Variants in TNFRSF1B observed in about 807,000 individuals in gnomAD.
TNFRSF1B encodes the protein tumor necrosis factor receptor superfamily member 1B.
In TNFRSF1B, 19 loss-of-function variants were observed where a neutral mutation model predicts 44.6. The ratio of observed to expected loss-of-function variants is 0.43; its 90% CI spans 0.30 to 0.62. TNFRSF1B has a LOEUF of 0.62. Among genes scored for constraint, TNFRSF1B ranks in the 20% least tolerant of loss-of-function variants. The probability of loss-of-function intolerance (pLI) is 0.16; values close to 1 mark genes in which losing one functional copy is unlikely to be tolerated. For missense variants in TNFRSF1B, 541 were observed against 619.9 expected, an observed-to-expected ratio of 0.87 and a Z score of 1.35; for synonymous variants, 252 against 261.1, an observed-to-expected ratio of 0.97 and a Z score of 0.34.
intron 9 of TNFRSF1B, among the ~76,000 whole-genome samples, chr1:12,203,747 C>G (rs543641199): frequency 1.3e-5 from 2 of 152,174 alleles, no homozygotes; most frequent in East Asian, 3.9e-4. Flanking sequence ...TAAATGGGGT[C>G]TCGCTCGTCG....
At chr1:12,176,885 A>G (rs984362868) in intron 1 of TNFRSF1B, among the ~76,000 whole-genome samples, 1 of 152,134 alleles carries the variant, frequency 6.6e-6, no homozygotes, top group African/African-American at 2.4e-5. Flanking sequence ...GGCCGTGGAT[A>G]TAGGGTGGGA....
rs1485083538 is a variant in TNFRSF1B at position 12,184,661 on chromosome 1, C to G, written c.79-4135C>G. ...CCAGGAGCCCTCGTCCATTGCGGCT[C>G]TTGAGAGCCCAAACTTGGCCACGGC... On this transcript the variant is annotated intron_variant, in intron 1 of 9. Transcript: ENST00000376259. 2.6e-5 allele frequency among the ~76,000 whole-genome samples: 4 copies of G among 152,214 alleles called. No homozygotes were observed. The South Asian group carries it at 6.2e-4, about 24-fold the overall frequency.
rs1638697272 is a variant in TNFRSF1B, at chr1:12,177,840, G to T, written c.78+10671G>T. ...AGCTGACATTTAGCGGGTGCTTCTT[G>T]GGTGCAATGCGCAAGAGACCGATGC... On this transcript the variant is annotated intron_variant, in intron 1 of 9. Coordinates refer to ENST00000376259, the MANE Select transcript of TNFRSF1B (RefSeq NM_001066.3). The surrounding 1 kb of genome is among the most constrained non-coding windows in gnomAD (Gnocchi z 4.3). Among the ~76,000 whole-genome samples the T allele has an allele frequency of 2.6e-5, 4 of 151,992 alleles. No homozygotes were observed. In the South Asian group the frequency reaches 8.3e-4, roughly 32 times the overall value.
chr1:12,170,047 G>T (rs780016928), intron 1 of TNFRSF1B, among the ~76,000 whole-genome samples: 1 of 152,204 alleles, frequency 6.6e-6, no homozygotes, highest in Non-Finnish European at 1.5e-5. Context: ...CTTCCACCAC[G>T]TCTCTGTCTC....
chr1:12,175,618 C>G (rs1638637823), intron 1 of TNFRSF1B, among the ~76,000 whole-genome samples: 1 of 152,178 alleles, frequency 6.6e-6, no homozygotes, highest in Admixed American at 6.5e-5. Context: ...CTGTCATTTC[C>G]TGAGCCTCGC....
chr1:12,206,641 G>A, intron 9 of TNFRSF1B, 99 bp from the exon 10 acceptor site: 5 of 1,346,990 alleles, frequency 3.7e-6, no homozygotes, highest in Non-Finnish European at 5.0e-6. Context: ...CTGGCCCAGT[G>A]CTCTTTCCCA....
At chr1:12,189,175 T>C (rs522205) in intron 2 of TNFRSF1B, among the ~76,000 whole-genome samples, 5,326 of 152,020 alleles carry the variant, frequency 0.035, 109 homozygotes, top group African/African-American at 0.05. Flanking sequence ...GCCCAGCCGG[T>C]GGAGGAGGGG....
intron 9 of TNFRSF1B, among the ~76,000 whole-genome samples, chr1:12,206,001 G>A (rs1001722287): frequency 6.6e-6 from 1 of 152,080 alleles, no homozygotes; most frequent in East Asian, 1.9e-4. Context: ...AGATGGGTCC[G>A]AGGCTCTGGG....
rs552190870 is a variant in TNFRSF1B, at chr1:12,192,595, C to T, written c.551+71C>T. The T allele has an allele frequency of 5.6e-6, 8 of 1,431,246 alleles. No homozygotes were observed. The East Asian group carries it at 1.8e-4, about 33-fold the overall frequency. The allele number at this position is 1,431,246 out of a possible 1,614,324, so 88.7% of individuals were successfully genotyped here. On this transcript the variant is annotated intron_variant, in intron 5 of 9. Transcript: ENST00000376259. Reference sequence around the variant, plus strand: ...TCCCTGGGTGACTGTGGGTCCAGGACACAGAGCAGCTCACCAACCACCATT... The same window carrying T: ...TCCCTGGGTGACTGTGGGTCCAGGATACAGAGCAGCTCACCAACCACCATT...
In TNFRSF1B at chr1:12,191,927, C is replaced by A. The variant is rs375867757; in HGVS notation, c.457+4C>A. 1 of 1,607,096 alleles carries A rather than the reference C, an allele frequency of 6.2e-7. No homozygotes were observed. Among genetic ancestry groups the A allele is most frequent in the South Asian group, 1.1e-5 (1 of 90,564 alleles). ...GGCTTCGGCGTGGCCAGACCAGGTACGGGGTGGGGCTCAGGTCCTTGGGGA... is the reference window on the plus strand; with the variant it reads ...GGCTTCGGCGTGGCCAGACCAGGTAAGGGGTGGGGCTCAGGTCCTTGGGGA... On this transcript the variant is annotated splice_donor_region_variant and intron_variant, in intron 4 of 9. Coordinates refer to ENST00000376259, the MANE Select transcript of TNFRSF1B (RefSeq NM_001066.3).
chr1:12,182,493 G>T (rs1638835184), intron 1 of TNFRSF1B, among the ~76,000 whole-genome samples: 1 of 152,220 alleles, frequency 6.6e-6, no homozygotes, highest in African/African-American at 2.4e-5. Flanking sequence ...CTTCCCGGGG[G>T]CAGGGATTTG....
At chr1:12,181,003 T>G (rs1638789907) in intron 1 of TNFRSF1B, among the ~76,000 whole-genome samples, 1 of 152,118 alleles carries the variant, frequency 6.6e-6, no homozygotes. Context: ...TGCACTCTTC[T>G]CCTTTGCCCC....
chr1:12,194,266 C>T (rs1639216544), intron 7 of TNFRSF1B, among the ~76,000 whole-genome samples: 1 of 152,120 alleles, frequency 6.6e-6, no homozygotes, highest in African/African-American at 2.4e-5. Context: ...GATTCCTATC[C>T]AGGAAGCCTG....
chr1:12,183,319 C>T (rs368051775), intron 1 of TNFRSF1B, among the ~76,000 whole-genome samples: 3 of 152,142 alleles, frequency 2.0e-5, no homozygotes, highest in African/African-American at 7.2e-5. Flanking sequence ...CTCTGGGAGA[C>T]GAGGGGAGGT....
Position 12,207,116 on chromosome 1 carries a change from A to G in TNFRSF1B, c.*96A>G. 3 of 1,335,822 alleles carry G rather than the reference A, an allele frequency of 2.2e-6. No homozygotes were observed. Among genetic ancestry groups the G allele is most frequent in the African/African-American group, 1.5e-5 (1 of 68,036 alleles). 82.7% of individuals were successfully genotyped at this position (1,335,822 alleles called of 1,614,324 possible). On this transcript the variant is annotated 3_prime_UTR_variant, in exon 10 of 10. Transcript: ENST00000376259. ...CTGGTCCTTCCAGGCCCCCACCACTAGGACTCTGAGGCTCTTTCTGGGCCA... is the reference window on the plus strand; with the variant it reads ...CTGGTCCTTCCAGGCCCCCACCACTGGGACTCTGAGGCTCTTTCTGGGCCA...
intron 5 of TNFRSF1B, 147 bp downstream of exon 5, chr1:12,192,671 G>T: frequency 1.0e-6 from 1 of 975,272 alleles, no homozygotes; most frequent in Non-Finnish European, 1.6e-6. Context: ...GGCATGGTGG[G>T]CAGGACCTTG....
Position 12,178,514 on chromosome 1 carries a change from C to T in TNFRSF1B, c.79-10282C>T, listed in dbSNP as rs186046238. Among the ~76,000 whole-genome samples the T allele has an allele frequency of 6.4e-4, 97 of 152,202 alleles. 1 individual carries two copies. The highest frequency in any genetic ancestry group is 6.2e-4 in the South Asian group (3 of 4,824). ...CGCCCATACAAGGGTGTCAAGGTTG[C>T]GGGGAGGCACGAGGGAACCAATAAT... On this transcript the variant is annotated intron_variant, in intron 1 of 9. Transcript: ENST00000376259. This position sits in a 1 kb window ranked among gnomAD's most constrained non-coding sequence, Gnocchi z 4.3.
chr1:12,192,870 G>A lies in TNFRSF1B; in HGVS notation c.559G>A (p.Val187Met), dbSNP rs2228494. 1.7e-3 allele frequency: 2,744 copies of A among 1,613,408 alleles called. 38 individuals carry two copies. The African/African-American group carries it at 0.031, about 18-fold the overall frequency. Residue 187 changes from valine (V) to methionine (M), a missense_variant, in exon 6 of 10, where the codon GTG becomes ATG. Physicochemically the swap from Val to Met is conservative, Grantham distance 21. Transcript: ENST00000376259. ...DICRPHQICN[V>M]VAIPGNASMD... Reference sequence around the variant, plus strand: ...AGCCTCCTCCTCCTCCAGCTGTAACGTGGTGGCCATCCCTGGGAATGCAAG... The same window carrying A: ...AGCCTCCTCCTCCTCCAGCTGTAACATGGTGGCCATCCCTGGGAATGCAAG...
rs1457153586 is a variant in TNFRSF1B, at chr1:12,180,083, A to AT, written c.79-8713_79-8712insT. 5.9e-5 allele frequency among the ~76,000 whole-genome samples: 9 copies of AT among 151,704 alleles called. No homozygotes were observed. The highest frequency in any genetic ancestry group is 1.7e-4 in the African/African-American group (7 of 41,308). On this transcript the variant is annotated intron_variant, in intron 1 of 9. Coordinates refer to ENST00000376259, the MANE Select transcript of TNFRSF1B (RefSeq NM_001066.3). This position sits in a 1 kb window ranked among gnomAD's most constrained non-coding sequence, Gnocchi z 4.3. Reference sequence around the variant, plus strand: ...GGGGGACCCCCTGGGGAAGGCTGGGAGCATGACCTCTTCCCAAGGGTACGG... The same window carrying AT: ...GGGGGACCCCCTGGGGAAGGCTGGGATGCATGACCTCTTCCCAAGGGTACGG...
Sources: allele counts gnomAD v4.1 joint callset (sites outside exome capture counted in the v4.1 genomes callset), GRCh38; gene constraint gnomAD v4.1.1; non-coding constraint Gnocchi (gnomAD v3.1); transcripts MANE v1.5; gene names NCBI Gene and HGNC (gene_info 2026-07-23, HGNC 2026-07-21).